The following PMEPA1 variants were observed in gnomAD, a reference collection of about 807,000 sequenced individuals.
PMEPA1 encodes protein TMEPAI.
A neutral mutation model predicts 23.0 loss-of-function variants in PMEPA1; 11 were observed. The observed-to-expected ratio is 0.48, with a 90% CI of 0.30 to 0.79. The LOEUF is 0.79. PMEPA1 is among the 30% of genes least tolerant of loss of function. PMEPA1 has a pLI of 0.06. For synonymous variants in PMEPA1, 204 were observed against 166.4 expected, an observed-to-expected ratio of 1.23 and a Z score of -1.74; for missense variants, 377 against 390.9, an observed-to-expected ratio of 0.96 and a Z score of 0.30.
intron 1 of PMEPA1, among the ~76,000 whole-genome samples, chr20:57,666,062 A>C (rs1600637198): frequency 3.3e-5 from 5 of 151,864 alleles, no homozygotes; most frequent in Admixed American, 3.3e-4. Context: ...TCCCTTGGGG[A>C]GGGTGATGAA....
rs1481193317 is a variant in PMEPA1 at position 57,682,855 on chromosome 20, A to C, written c.110-23158T>G. On this transcript the variant is annotated intron_variant, in intron 1 of 3. Coordinates refer to ENST00000341744, the MANE Select transcript of PMEPA1 (RefSeq NM_020182.5). This position sits in a 1 kb window ranked among gnomAD's most constrained non-coding sequence, Gnocchi z 4.4. ...AGGCGGCTCGCCAGATTTGTTTCGA[A>C]TTATGAAAATAGATGTTGTCTCCCC... is the stretch of plus-strand genomic sequence containing the variant. 6.6e-6 allele frequency among the ~76,000 whole-genome samples: 1 copy of C among 152,238 alleles called. No individual in the cohort carries two copies. The highest frequency in any genetic ancestry group is 2.4e-5 in the African/African-American group (1 of 41,458).
At chr20:57,662,482 G>A (rs1347117366) in intron 1 of PMEPA1, among the ~76,000 whole-genome samples, 2 of 152,178 alleles carry the variant, frequency 1.3e-5, no homozygotes, top group African/African-American at 4.8e-5. Flanking sequence ...TGGGAACTCA[G>A]GCCCCAAGCC....
At chr20:57,654,660 C>G (rs1426928474) in intron 2 of PMEPA1, among the ~76,000 whole-genome samples, 1 of 152,186 alleles carries the variant, frequency 6.6e-6, no homozygotes, top group Non-Finnish European at 1.5e-5. Context: ...ACTTCTCCTT[C>G]TATTAGACAG....
chr20:57,709,546 C>T lies in PMEPA1; in HGVS notation c.37G>A (p.Ala13Thr). The T allele has an allele frequency of 3.7e-6, 4 of 1,093,822 alleles. No individual in the cohort carries two copies. Among genetic ancestry groups the T allele is most frequent in the East Asian group, 7.8e-5 (1 of 12,884 alleles). The allele number at this position is 1,093,822 out of a possible 1,614,324, so 67.8% of individuals were successfully genotyped here. Residue 13 changes from alanine to threonine, a missense_variant, in exon 1 of 4, where the codon GCC becomes ACC. By Grantham distance (58) the Ala-to-Thr change is moderately conservative. Transcript: ENST00000341744. ...RLMGVNSTAA[A>T]AAGQPNVSCT... is the part of the protein sequence containing the mutation. ...GAGACATTGGGCTGCCCGGCGGCGG[C>T]GGCGGCGGTGCTGTTGACCCCCATC...
At position 57,709,547 on chromosome 20, in the gene PMEPA1, G is replaced by A. The variant is rs567038004; in HGVS notation, c.36C>T (p.Ala12=). The A allele has an allele frequency of 5.4e-6, 6 of 1,106,316 alleles. No homozygotes were observed. Among genetic ancestry groups the A allele is most frequent in the African/African-American group, 1.7e-5 (1 of 59,192 alleles). The allele number at this position is 1,106,316 out of a possible 1,614,324, so 68.5% of individuals were successfully genotyped here. ...HRLMGVNSTA[A]AAAGQPNVSC... is the part of the protein sequence containing the mutation. ...AGACATTGGGCTGCCCGGCGGCGGC[G>A]GCGGCGGTGCTGTTGACCCCCATCA... Residue 12 remains alanine (A), a synonymous_variant, in exon 1 of 4, where the codon GCC becomes GCT. Transcript: ENST00000341744.
intron 1 of PMEPA1, among the ~76,000 whole-genome samples, chr20:57,671,690 T>G (rs2071570733): frequency 6.6e-6 from 1 of 152,208 alleles, no homozygotes; most frequent in Non-Finnish European, 1.5e-5. Context: ...TTAAAACTGA[T>G]GACATAAATC....
chr20:57,672,465 T>C (rs2071581574), intron 1 of PMEPA1, among the ~76,000 whole-genome samples: 1 of 152,260 alleles, frequency 6.6e-6, no homozygotes, highest in Admixed American at 6.5e-5. Context: ...ACAATGCGGC[T>C]GGTATTTAGC....
chr20:57,662,927 G>A (rs948306139), intron 1 of PMEPA1, among the ~76,000 whole-genome samples: 3 of 152,224 alleles, frequency 2.0e-5, no homozygotes, highest in African/African-American at 7.2e-5. Context: ...GGGATGCAGG[G>A]GCAATGGAGG....
chr20:57,698,830 C>T (rs942065132), intron 1 of PMEPA1, among the ~76,000 whole-genome samples: 1 of 152,216 alleles, frequency 6.6e-6, no homozygotes, highest in African/African-American at 2.4e-5. Context: ...CACACACACA[C>T]AGACTTGGCA....
Position 57,704,592 on chromosome 20 carries a change from C to T in PMEPA1, c.109+4882G>A, listed in dbSNP as rs771578933. Reference sequence around the variant, plus strand: ...TCTCTTTGGGCAGGATCCCAGACACCGAGGTGCCTGCAAACTTGGTCTCTG... The same window carrying T: ...TCTCTTTGGGCAGGATCCCAGACACTGAGGTGCCTGCAAACTTGGTCTCTG... On this transcript the variant is annotated intron_variant, in intron 1 of 3. Coordinates refer to ENST00000341744, the MANE Select transcript of PMEPA1 (RefSeq NM_020182.5). The surrounding 1 kb of genome is among the most constrained non-coding windows in gnomAD (Gnocchi z 4.6). Among the ~76,000 whole-genome samples the T allele has an allele frequency of 3.3e-5, 5 of 152,194 alleles. No homozygotes were observed. Among genetic ancestry groups the T allele is most frequent in the Admixed American group, 6.5e-5 (1 of 15,272 alleles).
chr20:57,703,548 C>T (rs755348484), intron 1 of PMEPA1, among the ~76,000 whole-genome samples: 48 of 152,164 alleles, frequency 3.2e-4, no homozygotes, highest in Non-Finnish European at 1.5e-5. Flanking sequence ...CCGAAGAGAC[C>T]GTCTGGGGCC....
At chr20:57,703,698 A>G (rs1411794714) in intron 1 of PMEPA1, among the ~76,000 whole-genome samples, 1 of 152,028 alleles carries the variant, frequency 6.6e-6, no homozygotes, top group African/African-American at 2.4e-5. Context: ...GTTGATTCCA[A>G]CCTTCCCAGC....
intron 1 of PMEPA1, among the ~76,000 whole-genome samples, chr20:57,687,861 C>A (rs2071821543): frequency 6.6e-6 from 1 of 152,204 alleles, no homozygotes; most frequent in Admixed American, 6.5e-5. Context: ...TCATTTCCAG[C>A]CCACAAGGGC....
chr20:57,662,267 G>T (rs566926393), intron 1 of PMEPA1, among the ~76,000 whole-genome samples: 1 of 152,352 alleles, frequency 6.6e-6, no homozygotes, highest in Non-Finnish European at 1.5e-5. Context: ...GACAAAGAAT[G>T]ATCCAATCCA....
chr20:57,697,203 T>C (rs2071953034), intron 1 of PMEPA1, among the ~76,000 whole-genome samples: 1 of 152,180 alleles, frequency 6.6e-6, no homozygotes, highest in African/African-American at 2.4e-5. Context: ...AGTCAGCCAT[T>C]TGTCTGCACA....
chr20:57,649,427 G>C lies in PMEPA1; in HGVS notation c.*2626C>G, dbSNP rs2071192032. On this transcript the variant is annotated 3_prime_UTR_variant, in exon 4 of 4. Transcript: ENST00000341744. The stretch of plus-strand genomic sequence containing the variant: ...CTGGACATGAAGCTGAGGACACTGG[G>C]CTTCAACACTGAGTTGTCATGAGAG... The C allele has an allele frequency of 6.6e-6, 1 of 152,146 alleles. No homozygotes were observed. Among genetic ancestry groups the C allele is most frequent in the South Asian group, 2.1e-4 (1 of 4,816 alleles). 9.4% of individuals were successfully genotyped at this position (152,146 alleles called of 1,614,324 possible). A position where few individuals can be genotyped will look rare whatever the true frequency, so the allele number is the denominator to read the frequency against.
chr20:57,670,380 G>A (rs897600470), intron 1 of PMEPA1, among the ~76,000 whole-genome samples: 1 of 151,790 alleles, frequency 6.6e-6, no homozygotes, highest in Non-Finnish European at 1.5e-5. Context: ...CTCACCACCC[G>A]GCCTCAAGCC....
At chr20:57,667,090 G>A (rs2146659268) in intron 1 of PMEPA1, among the ~76,000 whole-genome samples, 1 of 152,338 alleles carries the variant, frequency 6.6e-6, no homozygotes, top group South Asian at 2.1e-4. Context: ...GAGTGAAGAT[G>A]GTGGCTCCCA....
chr20:57,685,478 G>A lies in PMEPA1; in HGVS notation c.109+23996C>T, dbSNP rs191871008. Among the ~76,000 whole-genome samples the A allele has an allele frequency of 2.2e-3, 342 of 152,322 alleles. 1 individual carries two copies. The highest frequency in any genetic ancestry group is 6.8e-3 in the Middle Eastern group (2 of 294). The stretch of plus-strand genomic sequence containing the variant: ...AGGACTTTTTACAGCGCACAGAGAC[G>A]CGCTGACAAAGTAGCCATTTAAAGA... On this transcript the variant is annotated intron_variant, in intron 1 of 3. Coordinates refer to ENST00000341744, the MANE Select transcript of PMEPA1 (RefSeq NM_020182.5).
Sources: gnomAD v4.1 joint callset for allele counts (sites outside exome capture counted in the v4.1 genomes callset) on GRCh38, gnomAD v4.1.1 for gene constraint, Gnocchi (gnomAD v3.1) non-coding constraint, MANE v1.5 for transcripts, NCBI Gene and HGNC (gene_info 2026-07-23, HGNC 2026-07-21) for gene names.